The following HGD variants were observed in gnomAD, a reference collection of about 807,000 sequenced individuals.
HGD encodes the protein homogentisate 1,2-dioxygenase.
A neutral mutation model predicts 60.8 loss-of-function variants in HGD; 61 were observed. That is an observed-to-expected ratio of 1.00 (90% confidence interval 0.82 to 1.24). The LOEUF is 1.24. Among genes scored for constraint, HGD ranks in the 50% most tolerant of loss-of-function variants. The pLI, the probability that HGD is intolerant of heterozygous loss-of-function variation, is 0.00. For missense variants in HGD, 542 were observed against 547.1 expected (o/e 0.99, Z 0.09); for synonymous variants, 212 against 187.7 (o/e 1.13, Z -1.06).
chr3:120,671,793 A>T (rs1484562728), intron 3 of HGD, among the ~76,000 whole-genome samples: 1 of 152,228 alleles, frequency 6.6e-6, no homozygotes, highest in Non-Finnish European at 1.5e-5. Context: ...TACACCATGG[A>T]ATACTATGCA....
intron 7 of HGD, 107 bp downstream of exon 7, chr3:120,647,770 A>G: frequency 1.0e-6 from 1 of 967,784 alleles, no homozygotes; most frequent in African/African-American, 1.6e-5. Context: ...ACTAAATGAA[A>G]TAAGACAGAT....
intron 12 of HGD, among the ~76,000 whole-genome samples, chr3:120,635,205 C>T (rs1940721432): frequency 6.6e-6 from 1 of 152,184 alleles, no homozygotes; most frequent in Admixed American, 6.5e-5. Context: ...AGGCCGGGCT[C>T]AGTGGCTCAC....
intron 6 of HGD, among the ~76,000 whole-genome samples, chr3:120,650,100 C>T (rs943433286): frequency 5.3e-5 from 8 of 152,230 alleles, no homozygotes; most frequent in African/African-American, 1.9e-4. Flanking sequence ...CAGCTGGTTA[C>T]ATATTACAGT....
At chr3:120,654,851 T>C (rs1304171378) in intron 4 of HGD, among the ~76,000 whole-genome samples, 1 of 152,042 alleles carries the variant, frequency 6.6e-6, no homozygotes, top group Admixed American at 6.5e-5. Context: ...GGTGGGTGGA[T>C]CATGAGGTCA....
At position 120,648,057 on chromosome 3, in the gene HGD, C is replaced by T; in HGVS notation, c.435-146G>A. 4.2e-6 allele frequency: 3 copies of T among 715,640 alleles called. No homozygotes were observed. In the South Asian group the frequency reaches 4.7e-5, roughly 11 times the overall value. 44.3% of individuals were successfully genotyped at this position (715,640 alleles called of 1,614,324 possible). A position where few individuals can be genotyped will look rare whatever the true frequency, so the allele number is the denominator to read the frequency against. Reference sequence around the variant, plus strand: ...GGAGCAAAATGACCCAGGCTCTGCCCTTGTGGAACTTAGAGTCTAGTGGGG... The same window carrying T: ...GGAGCAAAATGACCCAGGCTCTGCCTTTGTGGAACTTAGAGTCTAGTGGGG... On this transcript the variant is annotated intron_variant, in intron 6 of 13. Transcript: ENST00000283871.
intron 4 of HGD, among the ~76,000 whole-genome samples, chr3:120,666,843 C>T (rs1011181469): frequency 6.6e-6 from 1 of 152,040 alleles, no homozygotes; most frequent in Non-Finnish European, 1.5e-5. Flanking sequence ...TCTGTATTAA[C>T]TCAAGCTTTT....
At chr3:120,681,786 A>G (rs1708234862) in intron 1 of HGD, among the ~76,000 whole-genome samples, 1 of 152,230 alleles carries the variant, frequency 6.6e-6, no homozygotes, top group South Asian at 2.1e-4. Context: ...GTTGGGAAAA[A>G]GACATAGAGA....
At chr3:120,674,778 T>C (rs1167767322) in intron 3 of HGD, 123 bp downstream of exon 3, 4 of 730,488 alleles carry the variant, frequency 5.5e-6, no homozygotes, top group African/African-American at 5.2e-5. Flanking sequence ...ACCCAGACCA[T>C]AGCCTATAAG....
chr3:120,681,620 G>T (rs567791033), intron 1 of HGD, among the ~76,000 whole-genome samples: 98 of 152,266 alleles, frequency 6.4e-4, no homozygotes, highest in Non-Finnish European at 1.2e-3. Context: ...TTTCAATTGC[G>T]TATTACTAAA....
chr3:120,659,400 A>G (rs1473219548), intron 4 of HGD, among the ~76,000 whole-genome samples: 1 of 152,190 alleles, frequency 6.6e-6, no homozygotes, highest in Non-Finnish European at 1.5e-5. Flanking sequence ...ATCATTCTCA[A>G]GTTCAGAGTT....
chr3:120,654,367 G>T (rs901438640), intron 4 of HGD, among the ~76,000 whole-genome samples: 4 of 152,156 alleles, frequency 2.6e-5, no homozygotes, highest in Non-Finnish European at 4.4e-5. Flanking sequence ...ATCAGAATCT[G>T]TGAAGGTAGG....
intron 11 of HGD, 81 bp from the exon 12 acceptor site, chr3:120,638,662 AG>A: frequency 1.3e-6 from 2 of 1,506,790 alleles, no homozygotes; most frequent in Non-Finnish European, 1.8e-6. Flanking sequence ...GCATACATGA[AG>A]GTGTTTGCAA....
chr3:120,669,447 G>GCACACACACACA (rs59426684), intron 4 of HGD, among the ~76,000 whole-genome samples: 15 of 145,726 alleles, frequency 1.0e-4, no homozygotes, highest in South Asian at 2.2e-4. Flanking sequence ...GTGCGCATGT[G>GCACACACACACA]CACACACACA....
Position 120,647,028 on chromosome 3 carries a change from ATGAGAAGGTTCCCTTTCTGCGGAAC to A in HGD, c.470-1_493del. 2 of 1,614,136 alleles carry A rather than the reference ATGAGAAGGTTCCCTTTCTGCGGAAC, an allele frequency of 1.2e-6. No homozygotes were observed. The highest frequency in any genetic ancestry group is 1.7e-6 in the Non-Finnish European group (2 of 1,179,960). ...AAGCATCTTGCCAAACTCGGTGTAA[ATGAGAAGGTTCCCTTTCTGCGGAAC>A]TGACAAAAAAAGACAGGGCAGTGGT... On this transcript the variant is annotated splice_acceptor_variant and coding_sequence_variant, in exon 8 of 14. Transcript: ENST00000283871. LOFTEE classifies it high-confidence loss of function.
At chr3:120,668,040 T>C (rs1432546034) in intron 4 of HGD, among the ~76,000 whole-genome samples, 3 of 151,998 alleles carry the variant, frequency 2.0e-5, no homozygotes, top group African/African-American at 7.2e-5. Context: ...TGTCCCTTTG[T>C]GTGGGGGACT....
intron 13 of HGD, among the ~76,000 whole-genome samples, chr3:120,632,699 A>G (rs1039423465): frequency 6.6e-6 from 1 of 152,208 alleles, no homozygotes; most frequent in Non-Finnish European, 1.5e-5. Flanking sequence ...GAGACATAGC[A>G]TATGCCCAGG....
intron 2 of HGD, 42 bp downstream of exon 2, chr3:120,675,750 A>C (rs758022885): frequency 6.7e-7 from 1 of 1,490,804 alleles, no homozygotes; most frequent in Non-Finnish European, 9.4e-7. Flanking sequence ...GTCATCCAGG[A>C]ATAGGATTCA....
At chr3:120,646,072 A>G (rs1476509384) in intron 9 of HGD, among the ~76,000 whole-genome samples, 195 bp downstream of exon 9, 1 of 152,214 alleles carries the variant, frequency 6.6e-6, no homozygotes, top group Non-Finnish European at 1.5e-5. Flanking sequence ...AGAGAGATTT[A>G]TAATGGATTG....
intron 12 of HGD, among the ~76,000 whole-genome samples, chr3:120,634,391 A>T: frequency 6.6e-6 from 1 of 152,202 alleles, no homozygotes; most frequent in East Asian, 1.9e-4. Flanking sequence ...TTAAAGAAAT[A>T]TAACACCTGG....
Sources: allele counts gnomAD v4.1 joint callset (sites outside exome capture counted in the v4.1 genomes callset), GRCh38; gene constraint gnomAD v4.1.1; transcripts MANE v1.5; gene names NCBI Gene and HGNC (gene_info 2026-07-23, HGNC 2026-07-21).